Variants in MAGI1 observed in about 807,000 individuals in gnomAD.
MAGI1 encodes membrane-associated guanylate kinase, WW and PDZ domain-containing protein 1.
MAGI1 carries 58 observed loss-of-function variants against 139.9 expected under a neutral mutation model. That is an observed-to-expected ratio of 0.41 (90% CI 0.34 to 0.52). The LOEUF is 0.52. MAGI1 is among the 20% of genes least tolerant of loss of function. The probability of loss-of-function intolerance (pLI) is 0.12; values close to 1 mark genes in which losing one functional copy is unlikely to be tolerated. For missense variants in MAGI1, 1,874 were observed against 1,901.6 expected (o/e 0.99, Z 0.27); for synonymous variants, 812 against 737.9 (o/e 1.10, Z -1.63).
intron 1 of MAGI1, among the ~76,000 whole-genome samples, chr3:65,743,579 T>C (rs1237547945): frequency 6.6e-6 from 1 of 152,006 alleles, no homozygotes; most frequent in Non-Finnish European, 1.5e-5. Context: ...CGTGGTGGCA[T>C]AGGCCTGTAA....
intron 1 of MAGI1, among the ~76,000 whole-genome samples, chr3:65,753,229 A>T (rs2036294109): frequency 6.6e-6 from 1 of 152,000 alleles, no homozygotes. Context: ...AAATACACAC[A>T]CTCAGCTCAC....
At chr3:65,899,102 G>C (rs1016268377) in intron 1 of MAGI1, among the ~76,000 whole-genome samples, 12 of 151,898 alleles carry the variant, frequency 7.9e-5, no homozygotes, top group African/African-American at 2.9e-4. Context: ...TTTTTTTGTA[G>C]AGACGGGTTT....
intron 2 of MAGI1, among the ~76,000 whole-genome samples, chr3:65,564,787 T>C (rs936847953): frequency 1.3e-5 from 2 of 152,172 alleles, no homozygotes; most frequent in African/African-American, 2.4e-5. Context: ...TTAAATGATA[T>C]CACAATTTTT....
intron 2 of MAGI1, among the ~76,000 whole-genome samples, chr3:65,570,003 G>A (rs1026512810): frequency 8.1e-4 from 121 of 150,094 alleles, no homozygotes; most frequent in African/African-American, 2.6e-3. Flanking sequence ...AAAGATGAGA[G>A]GTAGTATACT....
At chr3:65,583,277 C>G (rs982202684) in intron 2 of MAGI1, among the ~76,000 whole-genome samples, 1 of 152,060 alleles carries the variant, frequency 6.6e-6, no homozygotes, top group African/African-American at 2.4e-5. Context: ...ATTTAAGGAT[C>G]TTAGAACTGA....
chr3:65,626,524 A>G (rs2083980016), intron 1 of MAGI1, among the ~76,000 whole-genome samples: 1 of 152,040 alleles, frequency 6.6e-6, no homozygotes, highest in Non-Finnish European at 1.5e-5. Flanking sequence ...GGTTCTCACT[A>G]TGTTGCCTAG....
At chr3:65,958,112 T>C (rs2064227604) in intron 1 of MAGI1, among the ~76,000 whole-genome samples, 1 of 152,156 alleles carries the variant, frequency 6.6e-6, no homozygotes, top group Admixed American at 6.6e-5. Flanking sequence ...TGGTAACTCA[T>C]CCACTGCGAT....
At chr3:65,607,358 C>A (rs975045906) in intron 2 of MAGI1, among the ~76,000 whole-genome samples, 2 of 151,912 alleles carry the variant, frequency 1.3e-5, no homozygotes, top group African/African-American at 2.4e-5. Context: ...TTCCAACAGG[C>A]AACAGTAAAG....
At chr3:65,926,849 GC>G (rs1429111401) in intron 1 of MAGI1, among the ~76,000 whole-genome samples, 1 of 152,118 alleles carries the variant, frequency 6.6e-6, no homozygotes, top group African/African-American at 2.4e-5. Context: ...TACAAAATTT[GC>G]TGGGCGCGGT....
In MAGI1 at chr3:65,597,941, C is replaced by A. The variant is rs957402780; in HGVS notation, c.430+24031G>T. On this transcript the variant is annotated intron_variant, in intron 2 of 22. Coordinates refer to ENST00000402939, the MANE Select transcript of MAGI1 (RefSeq NM_001033057.2). The stretch of plus-strand genomic sequence containing the variant: ...AGGCGGGGGTGGGGGGGGGGTGGGA[C>A]CGAACCCCTTCCTGGGAGAGCTGGG... 98 of 452,792 alleles carry A rather than the reference C, an allele frequency of 2.2e-4. No individual in the cohort carries two copies. The East Asian group carries it at 4.1e-3, about 19-fold the overall frequency. The allele number at this position is 452,792 out of a possible 1,614,324, so 28.0% of individuals were successfully genotyped here.
intron 1 of MAGI1, among the ~76,000 whole-genome samples, chr3:65,739,275 G>A (rs148333881): frequency 6.6e-6 from 1 of 152,264 alleles, no homozygotes; most frequent in East Asian, 1.9e-4. Flanking sequence ...CTTTTCTTCT[G>A]CAGCTTCCTC....
rs536320233 is a variant in MAGI1, at chr3:65,830,488, T to C, written c.313+207508A>G. Among the ~76,000 whole-genome samples, 26 of 152,230 alleles carry C rather than the reference T, an allele frequency of 1.7e-4. No homozygotes were observed. In the South Asian group the frequency reaches 2.3e-3, roughly 13 times the overall value. ...CAGCTCTCATGCAAAACACAAAATA[T>C]GTTTAAATCAATGCTAAGTTAATGG... On this transcript the variant is annotated intron_variant, in intron 1 of 22. Transcript: ENST00000402939.
chr3:65,441,381 A>C (rs983392547), intron 8 of MAGI1, among the ~76,000 whole-genome samples: 2 of 152,200 alleles, frequency 1.3e-5, no homozygotes, highest in Non-Finnish European at 2.9e-5. Context: ...GTTTATCAAT[A>C]GAAAGGATAG....
chr3:65,969,980 G>T (rs9836085), intron 1 of MAGI1, among the ~76,000 whole-genome samples: 150,853 of 152,244 alleles, frequency 0.99, 74,760 homozygotes, highest in East Asian at 1. Flanking sequence ...GGAATGAATA[G>T]GATTGGGCTC....
intron 1 of MAGI1, among the ~76,000 whole-genome samples, chr3:65,916,937 G>A (rs531008424): frequency 2.6e-5 from 4 of 152,068 alleles, no homozygotes; most frequent in Non-Finnish European, 5.9e-5. Flanking sequence ...AATCATACAC[G>A]TAATATATTA....
chr3:65,655,027 G>A (rs1032071428), intron 1 of MAGI1, among the ~76,000 whole-genome samples: 9 of 152,164 alleles, frequency 5.9e-5, no homozygotes, highest in Non-Finnish European at 1.2e-4. Context: ...TTCAAAAGGT[G>A]AATACTGGCT....
At chr3:65,401,252 C>A (rs1944864233) in intron 13 of MAGI1, among the ~76,000 whole-genome samples, 187 bp downstream of exon 13, 1 of 152,136 alleles carries the variant, frequency 6.6e-6, no homozygotes, top group Non-Finnish European at 1.5e-5. Context: ...CAGTTAAAGA[C>A]AAGCCCAAAT....
chr3:65,827,366 T>C (rs928932386), intron 1 of MAGI1, among the ~76,000 whole-genome samples: 2 of 152,116 alleles, frequency 1.3e-5, no homozygotes, highest in Admixed American at 6.6e-5. Flanking sequence ...TTAATCACTT[T>C]ACACTATGCT....
chr3:65,489,026 C>T (rs1487452651), intron 3 of MAGI1, among the ~76,000 whole-genome samples: 1 of 147,974 alleles, frequency 6.8e-6, no homozygotes, highest in Non-Finnish European at 1.5e-5. Context: ...AGAGTGTAGA[C>T]TCTGTGGCCA....
Sources: allele counts gnomAD v4.1 joint callset (sites outside exome capture counted in the v4.1 genomes callset), GRCh38; gene constraint gnomAD v4.1.1; transcripts MANE v1.5; gene names NCBI Gene and HGNC (gene_info 2026-07-23, HGNC 2026-07-21).